GLIS1: variants seen among roughly 807,000 people sequenced by gnomAD.
The protein encoded by GLIS1 is zinc finger protein GLIS1.
Under a neutral mutation model 63.8 loss-of-function variants are expected in GLIS1, and 24 were observed. The ratio of observed to expected loss-of-function variants is 0.38; its 90% CI spans 0.27 to 0.53. The LOEUF is 0.53. GLIS1 is among the 20% of genes least tolerant of loss of function. The pLI is 0.85. For missense variants in GLIS1, 1,036 were observed against 1,074.1 expected (o/e 0.96, Z 0.50); for synonymous variants, 450 against 482.5 (o/e 0.93, Z 0.88).
At chr1:53,569,835 C>CA (rs1644968132) in intron 4 of GLIS1, among the ~76,000 whole-genome samples, 1 of 151,846 alleles carries the variant, frequency 6.6e-6, no homozygotes, top group South Asian at 2.1e-4. Flanking sequence ...ATAAAATTCA[C>CA]AATCACAACA....
intron 2 of GLIS1, among the ~76,000 whole-genome samples, chr1:53,673,101 GA>G (rs1179693075): frequency 2.0e-5 from 3 of 152,184 alleles, no homozygotes; most frequent in Non-Finnish European, 4.4e-5. Flanking sequence ...AGTGGAGGTG[GA>G]AGCCTTGTTC....
chr1:53,690,506 C>T (rs974804409), intron 2 of GLIS1, among the ~76,000 whole-genome samples: 2 of 152,262 alleles, frequency 1.3e-5, no homozygotes, highest in Admixed American at 1.3e-4. Context: ...ACTTTAACCA[C>T]AGCACCTCTT....
chr1:53,587,434 G>A (rs1645146988), intron 4 of GLIS1, among the ~76,000 whole-genome samples: 1 of 152,242 alleles, frequency 6.6e-6, no homozygotes, highest in Non-Finnish European at 1.5e-5. Context: ...GCAAGTTGAG[G>A]ATAGACTTGG....
intron 2 of GLIS1, among the ~76,000 whole-genome samples, chr1:53,635,947 G>A (rs914078146): frequency 6.6e-6 from 1 of 152,126 alleles, no homozygotes; most frequent in South Asian, 2.1e-4. Flanking sequence ...TTGAATTAAT[G>A]GTTTTAAATC....
chr1:53,627,441 T>C (rs1336659678), intron 2 of GLIS1, among the ~76,000 whole-genome samples: 1 of 152,192 alleles, frequency 6.6e-6, no homozygotes, highest in Non-Finnish European at 1.5e-5. Flanking sequence ...TCCCGCTTGC[T>C]GCTCCAGCTC....
At chr1:53,628,355 T>A (rs1645617888) in intron 2 of GLIS1, among the ~76,000 whole-genome samples, 1 of 152,128 alleles carries the variant, frequency 6.6e-6, no homozygotes, top group Admixed American at 6.6e-5. Context: ...ACACAGTAGA[T>A]GCTCAACGTC....
chr1:53,603,589 ACTTCACAAGACCCAGATGGAGGAGGTC>A (rs1200802574), intron 2 of GLIS1, among the ~76,000 whole-genome samples: 9 of 152,172 alleles, frequency 5.9e-5, no homozygotes, highest in African/African-American at 2.2e-4. Context: ...GTCCCCAGTG[ACTTCACAAGACCCAGATGGAGGAGGTC>A]CACTCCTGTT....
intron 4 of GLIS1, among the ~76,000 whole-genome samples, chr1:53,546,879 T>C (rs1644704395): frequency 6.6e-6 from 1 of 152,160 alleles, no homozygotes; most frequent in Non-Finnish European, 1.5e-5. Flanking sequence ...ACCATGCCCT[T>C]CCTTCCATCA....
At chr1:53,640,485 C>T (rs1231244345) in intron 2 of GLIS1, among the ~76,000 whole-genome samples, 1 of 152,146 alleles carries the variant, frequency 6.6e-6, no homozygotes, top group Non-Finnish European at 1.5e-5. Flanking sequence ...GGGGGCTGGA[C>T]AGTTGGGATC....
rs1304140412 is a variant in GLIS1, at chr1:53,539,958, G to A, written c.1321-10006C>T. ...ACAGGCCACACATTGCCGCCTCCAC[G>A]CCTTTGCCCATGCGGTGTCCTCTGC... On this transcript the variant is annotated intron_variant, in intron 4 of 10. Transcript: ENST00000628545. This position sits in a 1 kb window ranked among gnomAD's most constrained non-coding sequence, Gnocchi z 5.0. Among the ~76,000 whole-genome samples, 3 of 152,132 alleles carry A rather than the reference G, an allele frequency of 2.0e-5. No individual in the cohort carries two copies. The highest frequency in any genetic ancestry group is 4.8e-5 in the African/African-American group (2 of 41,414).
intron 2 of GLIS1, among the ~76,000 whole-genome samples, chr1:53,696,967 C>T (rs1646471510): frequency 6.6e-6 from 1 of 152,202 alleles, no homozygotes; most frequent in Non-Finnish European, 1.5e-5. Flanking sequence ...CCCATACAGC[C>T]CCTCTCGAGA....
At chr1:53,631,587 T>C (rs1645652592) in intron 2 of GLIS1, among the ~76,000 whole-genome samples, 1 of 152,248 alleles carries the variant, frequency 6.6e-6, no homozygotes, top group Admixed American at 6.5e-5. Context: ...TTCATGGCAT[T>C]CATCTTCTAA....
rs188082342 is a variant in GLIS1 at position 53,556,785 on chromosome 1, A to T, written c.1321-26833T>A. Among the ~76,000 whole-genome samples the T allele has an allele frequency of 4.4e-5, 5 of 112,884 alleles. No individual in the cohort carries two copies. The Admixed American group carries it at 4.7e-4, about 11-fold the overall frequency. The allele number at this position is 112,884 out of a possible 152,430, so 74.1% of individuals were successfully genotyped here. A position where few individuals can be genotyped will look rare whatever the true frequency, so the allele number is the denominator to read the frequency against. The stretch of plus-strand genomic sequence containing the variant: ...GTTTGTGTGCAGGCATACTGCAGGT[A>T]TGTGTGTATGTGTGCAGGTATACTG... On this transcript the variant is annotated intron_variant, in intron 4 of 10. Transcript: ENST00000628545.
At chr1:53,655,324 T>G (rs1645953612) in intron 2 of GLIS1, among the ~76,000 whole-genome samples, 1 of 152,210 alleles carries the variant, frequency 6.6e-6, no homozygotes, top group South Asian at 2.1e-4. Flanking sequence ...ACGAGTTGTC[T>G]CCAACTTTTT....
chr1:53,602,411 C>G lies in GLIS1; in HGVS notation c.260-2133G>C, dbSNP rs543408289. On this transcript the variant is annotated intron_variant, in intron 2 of 10. Transcript: ENST00000628545. ...TTAATAGCATTTGGAGCAGAGAGAG[C>G]TTAATCATCACACGGAGCAGTTTCA... is the stretch of plus-strand genomic sequence containing the variant. Among the ~76,000 whole-genome samples the G allele has an allele frequency of 2.0e-5, 3 of 152,252 alleles. No individual in the cohort carries two copies. The South Asian group carries it at 6.2e-4, about 32-fold the overall frequency.
chr1:53,667,999 G>A (rs2100385664), intron 2 of GLIS1, among the ~76,000 whole-genome samples: 1 of 152,242 alleles, frequency 6.6e-6, no homozygotes, highest in South Asian at 2.1e-4. Flanking sequence ...TGGTCCCTCT[G>A]GCCTCTATGG....
At chr1:53,519,535 C>T (rs573619675) in intron 7 of GLIS1, among the ~76,000 whole-genome samples, 7 of 152,268 alleles carry the variant, frequency 4.6e-5, no homozygotes, top group Non-Finnish European at 1.0e-4. Flanking sequence ...TTAGGGGAGT[C>T]GGGGGTAGAG....
rs1043820245 is a variant in GLIS1, at chr1:53,598,118, C to T, written c.437+1983G>A. 6.6e-6 allele frequency among the ~76,000 whole-genome samples: 1 copy of T among 152,094 alleles called. No homozygotes were observed. The highest frequency in any genetic ancestry group is 2.4e-5 in the African/African-American group (1 of 41,420). The stretch of plus-strand genomic sequence containing the variant: ...TCCTTGCTATGGACTGATTTGTGTC[C>T]CCCCAAAATTTATACATTGAAGCCC... On this transcript the variant is annotated intron_variant, in intron 3 of 10. Coordinates refer to ENST00000628545, the MANE Select transcript of GLIS1 (RefSeq NM_001367484.1). The surrounding 1 kb of genome is among the most constrained non-coding windows in gnomAD (Gnocchi z 4.6).
chr1:53,712,886 T>C (rs1432071609), intron 2 of GLIS1, among the ~76,000 whole-genome samples: 1 of 151,496 alleles, frequency 6.6e-6, no homozygotes, highest in African/African-American at 2.4e-5. Flanking sequence ...CTGCCAGAAA[T>C]AGCAGGTAAA....
Sources: gnomAD v4.1 joint callset for allele counts (sites outside exome capture counted in the v4.1 genomes callset) on GRCh38, gnomAD v4.1.1 for gene constraint, Gnocchi (gnomAD v3.1) non-coding constraint, MANE v1.5 for transcripts, NCBI Gene and HGNC (gene_info 2026-07-23, HGNC 2026-07-21) for gene names.